Variants in EXOC6 observed in about 807,000 individuals in gnomAD.
EXOC6 encodes the protein SEC15-like 1.
EXOC6 carries 60 observed loss-of-function variants against 112.5 expected under a neutral mutation model. The ratio of observed to expected loss-of-function variants is 0.53; its 90% CI spans 0.43 to 0.66. EXOC6 has a LOEUF of 0.66. Among genes scored for constraint, EXOC6 ranks in the 30% least tolerant of loss-of-function variants. The probability of loss-of-function intolerance (pLI) is 0.00; values close to 1 mark genes in which losing one functional copy is unlikely to be tolerated. For synonymous variants in EXOC6, 295 were observed against 308.0 expected (o/e 0.96, Z 0.44); for missense variants, 855 against 957.1 (o/e 0.89, Z 1.41).
Position 92,893,378 on chromosome 10 carries a change from A to C in EXOC6, c.131A>C (p.His44Pro). 1 of 1,612,214 alleles carries C rather than the reference A, an allele frequency of 6.2e-7. No homozygotes were observed. Among genetic ancestry groups the C allele is most frequent in the Non-Finnish European group, 8.5e-7 (1 of 1,179,072 alleles). Reference protein sequence around the residue: ...RSVYDDQPNAHKKFMEKLDAC... With the variant: ...RSVYDDQPNAPKKFMEKLDAC... Reference sequence around the variant, plus strand: ...GTGTATGATGACCAACCAAATGCGCACAAGAAGTTTATGGAAAAGTTAGAT... The same window carrying C: ...GTGTATGATGACCAACCAAATGCGCCCAAGAAGTTTATGGAAAAGTTAGAT... Residue 44 changes from histidine to proline, a missense_variant, in exon 2 of 22, where the codon CAC becomes CCC. Transcript: ENST00000260762.
chr10:92,934,048 A>G, intron 9 of EXOC6, 96 bp from the exon 10 acceptor site: 1 of 732,878 alleles, frequency 1.4e-6, no homozygotes, highest in Non-Finnish European at 2.3e-6. Context: ...GTAGACTCTC[A>G]ATAAATATTT....
intron 20 of EXOC6, among the ~76,000 whole-genome samples, chr10:93,018,100 A>G (rs1041307224): frequency 2.6e-5 from 4 of 152,044 alleles, no homozygotes; most frequent in Non-Finnish European, 5.9e-5. Flanking sequence ...CATCTTTGAC[A>G]TAAATCACAC....
intron 20 of EXOC6, among the ~76,000 whole-genome samples, chr10:93,045,095 A>G (rs1590102730): frequency 6.6e-6 from 1 of 152,204 alleles, no homozygotes; most frequent in East Asian, 1.9e-4. Flanking sequence ...CTAATTTCAA[A>G]CTTCTGGCCT....
chr10:92,946,882 C>T (rs1255550221), intron 13 of EXOC6, among the ~76,000 whole-genome samples: 3 of 152,172 alleles, frequency 2.0e-5, no homozygotes, highest in Admixed American at 6.5e-5. Flanking sequence ...TCTTCACGTA[C>T]TCTGATAGTC....
At chr10:93,032,522 T>C (rs1052648520) in intron 20 of EXOC6, among the ~76,000 whole-genome samples, 2 of 152,136 alleles carry the variant, frequency 1.3e-5, no homozygotes, top group African/African-American at 2.4e-5. Flanking sequence ...TAAAAATAGA[T>C]AGCTACACAC....
At chr10:92,900,962 GTCC>G (rs1209142515) in intron 5 of EXOC6, 5 of 151,948 alleles carry the variant, frequency 3.3e-5, no homozygotes, top group Non-Finnish European at 5.9e-5. Context: ...ATCTAGAACA[GTCC>G]TCCTGTTCTT....
chr10:92,861,822 A>C (rs1033614204), intron 1 of EXOC6, among the ~76,000 whole-genome samples: 4 of 152,212 alleles, frequency 2.6e-5, no homozygotes, highest in Non-Finnish European at 4.4e-5. Context: ...CAGAAATTCA[A>C]ATGGTGTTTT....
At chr10:92,938,022 C>T (rs951293312) in intron 12 of EXOC6, among the ~76,000 whole-genome samples, 5 of 152,008 alleles carry the variant, frequency 3.3e-5, no homozygotes, top group African/African-American at 4.8e-5. Flanking sequence ...GACTTTTTTT[C>T]AATATAGGTA....
intron 20 of EXOC6, among the ~76,000 whole-genome samples, chr10:93,040,971 A>C (rs1479817027): frequency 6.6e-6 from 1 of 152,172 alleles, no homozygotes; most frequent in Admixed American, 6.6e-5. Context: ...CTTTCATCAG[A>C]TCTCTGGCAG....
intron 6 of EXOC6, among the ~76,000 whole-genome samples, chr10:92,915,393 AAAAAAAAC>A (rs1287602678): frequency 1.3e-5 from 2 of 149,546 alleles, no homozygotes; most frequent in Non-Finnish European, 3.0e-5. Flanking sequence ...ATACAAAAAC[AAAAAAAAC>A]AAAAAAACAA....
At position 92,955,615 on chromosome 10, in the gene EXOC6, G is replaced by A. The variant is rs1853650055; in HGVS notation, c.1674G>A (p.Glu558=). Residue 558 remains glutamate, a synonymous_variant, in exon 17 of 22, where the codon GAG becomes GAA. Coordinates refer to ENST00000260762, the MANE Select transcript of EXOC6 (RefSeq NM_019053.6). ...VQIIINTTHL[E]QACKYLEDFI... ...TCATCATAAACACAACACACCTGGA[G>A]CAAGCTTGTAAATATCTTGAGGACT... is the stretch of plus-strand genomic sequence containing the variant. The A allele has an allele frequency of 1.9e-6, 3 of 1,611,522 alleles. No homozygotes were observed. The highest frequency in any genetic ancestry group is 2.2e-5 in the East Asian group (1 of 44,710).
intron 1 of EXOC6, among the ~76,000 whole-genome samples, chr10:92,862,076 GTC>G (rs1847937031): frequency 6.6e-6 from 1 of 152,120 alleles, no homozygotes; most frequent in Non-Finnish European, 1.5e-5. Flanking sequence ...TGCAGCCATC[GTC>G]TCTATCTAGT....
At chr10:92,880,150 G>A (rs1411025010) in intron 1 of EXOC6, among the ~76,000 whole-genome samples, 1 of 152,182 alleles carries the variant, frequency 6.6e-6, no homozygotes, top group Non-Finnish European at 1.5e-5. Context: ...ATCCATGGAT[G>A]TTGAAATCTC....
chr10:92,858,035 CG>C (rs1554882225), intron 1 of EXOC6, among the ~76,000 whole-genome samples: 37 of 144,806 alleles, frequency 2.6e-4, no homozygotes, highest in South Asian at 6.9e-4. Flanking sequence ...CCCCCTCCGC[CG>C]GCCAGCAGTT....
chr10:92,905,818 G>T (rs1850413613), intron 5 of EXOC6, among the ~76,000 whole-genome samples: 1 of 152,076 alleles, frequency 6.6e-6, no homozygotes. Context: ...TTTTGTAGTT[G>T]TTGGATGAAG....
intron 18 of EXOC6, among the ~76,000 whole-genome samples, chr10:92,985,791 T>G (rs148129934): frequency 6.9e-4 from 105 of 152,292 alleles, no homozygotes; most frequent in African/African-American, 2.5e-3. Flanking sequence ...GCCTTTTACA[T>G]GATTGAAAAC....
chr10:92,903,591 G>A (rs1850292737), intron 5 of EXOC6, among the ~76,000 whole-genome samples: 1 of 151,626 alleles, frequency 6.6e-6, no homozygotes, highest in Non-Finnish European at 1.5e-5. Flanking sequence ...CTGTTTGTAT[G>A]TTTTCTTTTG....
At position 92,974,740 on chromosome 10, in the gene EXOC6, A is replaced by AT. The variant is rs1017934219; in HGVS notation, c.1953+515dup. Among the ~76,000 whole-genome samples, 233 of 152,056 alleles carry AT rather than the reference A, an allele frequency of 1.5e-3. 2 individuals are homozygous for AT. Among genetic ancestry groups the AT allele is most frequent in the Non-Finnish European group, 1.4e-3 (94 of 67,988 alleles). On this transcript the variant is annotated intron_variant, in intron 18 of 21. Transcript: ENST00000260762. ...GCCACCACGCCTGACTGGTTTTCGT[A>AT]TTTTTTTGGTGGAGACGGGGTTTCG...
At chr10:92,837,097 AACACACACACACACACAC>A (rs58871930) in intron 1 of EXOC6, among the ~76,000 whole-genome samples, 12 of 139,778 alleles carry the variant, frequency 8.6e-5, no homozygotes, top group African/African-American at 2.7e-4. Flanking sequence ...GTTATAACAT[AACACACACACACACACAC>A]ACACACACAC....
Sources: gnomAD v4.1 joint callset for allele counts (sites outside exome capture counted in the v4.1 genomes callset) on GRCh38, gnomAD v4.1.1 for gene constraint, MANE v1.5 for transcripts, NCBI Gene and HGNC (gene_info 2026-07-23, HGNC 2026-07-21) for gene names.